MRTFA: variants seen among roughly 807,000 people sequenced by gnomAD.
MRTFA encodes the protein myocardin related transcription factor A, also known as myocardin-related transcription factor A.
A neutral mutation model predicts 83.5 loss-of-function variants in MRTFA; 20 were observed. That is an observed-to-expected ratio of 0.24 (90% CI 0.17 to 0.35). The LOEUF is 0.35. MRTFA is among the 10% of genes least tolerant of loss of function. The pLI, the probability that MRTFA is intolerant of heterozygous loss-of-function variation, is 1.00. For synonymous variants in MRTFA, 659 were observed against 541.2 expected, an observed-to-expected ratio of 1.22 and a Z score of -3.02; for missense variants, 1,200 against 1,224.7, an observed-to-expected ratio of 0.98 and a Z score of 0.30.
rs559466128 is a variant in MRTFA, at chr22:40,498,621, T to C, written c.242-35335A>G. On this transcript the variant is annotated intron_variant, in intron 3 of 14. Transcript: ENST00000355630. ...ATATTTGTTGAGTATGTGTCATGCA[T>C]ATGGTAGGTGCTGAGGGAGAAGACA... Among the ~76,000 whole-genome samples the C allele has an allele frequency of 6.6e-5, 10 of 152,064 alleles. 1 individual carries two copies. The South Asian group carries it at 2.1e-3, about 32-fold the overall frequency.
At chr22:40,421,329 G>A (rs990711570) in intron 9 of MRTFA, among the ~76,000 whole-genome samples, 13 of 152,074 alleles carry the variant, frequency 8.5e-5, no homozygotes, top group Non-Finnish European at 1.5e-5. Context: ...CCTGACCCCC[G>A]ACTTAAAAGC....
intron 2 of MRTFA, among the ~76,000 whole-genome samples, chr22:40,563,815 T>C (rs2055664687): frequency 1.3e-5 from 2 of 152,184 alleles, no homozygotes; most frequent in African/African-American, 4.8e-5. Flanking sequence ...AAATGTGAAC[T>C]ATGTTCTAAA....
At chr22:40,558,800 T>G (rs1044255492) in intron 2 of MRTFA, among the ~76,000 whole-genome samples, 6 of 150,636 alleles carry the variant, frequency 4.0e-5, no homozygotes, top group South Asian at 2.1e-4. Flanking sequence ...TTTTTGGGTT[T>G]TTTTTTTTTT....
intron 4 of MRTFA, among the ~76,000 whole-genome samples, chr22:40,449,306 G>A (rs556629297): frequency 4.6e-5 from 7 of 150,802 alleles, no homozygotes; most frequent in African/African-American, 1.5e-4. Flanking sequence ...AGAAAAGAAC[G>A]GAAATTTGCC....
At chr22:40,614,257 TTA>T (rs1229720116) in intron 1 of MRTFA, among the ~76,000 whole-genome samples, 2 of 150,666 alleles carry the variant, frequency 1.3e-5, no homozygotes, top group Non-Finnish European at 3.0e-5. Context: ...TAAAAAAATT[TTA>T]TGTTAGCCAG....
chr22:40,592,305 A>G (rs1281503219), intron 2 of MRTFA, among the ~76,000 whole-genome samples: 3 of 150,232 alleles, frequency 2.0e-5, no homozygotes. Context: ...TTAATTAGCC[A>G]GGCGTGGTGG....
intron 3 of MRTFA, among the ~76,000 whole-genome samples, chr22:40,473,845 T>A (rs991224077): frequency 2.0e-5 from 3 of 152,214 alleles, no homozygotes; most frequent in Admixed American, 6.5e-5. Flanking sequence ...TAAAACCACA[T>A]GGCCTACCAA....
chr22:40,471,273 C>T (rs1442946953), intron 3 of MRTFA, among the ~76,000 whole-genome samples: 10 of 144,330 alleles, frequency 6.9e-5, no homozygotes, highest in African/African-American at 1.8e-4. Flanking sequence ...TGTGGTGGCA[C>T]GCGCCTGTAA....
chr22:40,565,552 C>CA (rs777506041), intron 2 of MRTFA, among the ~76,000 whole-genome samples: 17 of 149,956 alleles, frequency 1.1e-4, no homozygotes, highest in Non-Finnish European at 1.8e-4. Flanking sequence ...ATCCCCACTT[C>CA]AAAAAAAAAC....
At chr22:40,559,596 G>A (rs984299430) in intron 2 of MRTFA, among the ~76,000 whole-genome samples, 7 of 151,818 alleles carry the variant, frequency 4.6e-5, no homozygotes, top group South Asian at 2.1e-4. Flanking sequence ...TTGTAGAGAC[G>A]AGATCTCACT....
chr22:40,547,897 T>G (rs1030994604), intron 3 of MRTFA, among the ~76,000 whole-genome samples: 2 of 147,472 alleles, frequency 1.4e-5, no homozygotes, highest in African/African-American at 5.0e-5. Flanking sequence ...TCAGAGAGAA[T>G]ACCAAGGCCA....
At chr22:40,617,935 C>G (rs2056473427) in intron 1 of MRTFA, among the ~76,000 whole-genome samples, 1 of 152,060 alleles carries the variant, frequency 6.6e-6, no homozygotes, top group African/African-American at 2.4e-5. Flanking sequence ...TGACAAAGTC[C>G]CTGCCCTTGT....
chr22:40,588,988 A>G (rs920092570), intron 2 of MRTFA, among the ~76,000 whole-genome samples: 4 of 151,694 alleles, frequency 2.6e-5, no homozygotes, highest in African/African-American at 4.8e-5. Context: ...GTCTCAGGGG[A>G]AAAAAAAAGA....
intron 3 of MRTFA, among the ~76,000 whole-genome samples, chr22:40,509,231 T>C (rs1448523967): frequency 5.3e-5 from 8 of 152,232 alleles, no homozygotes; most frequent in Non-Finnish European, 1.0e-4. Flanking sequence ...ACATTCTAAA[T>C]ATTTCCTGGT....
intron 3 of MRTFA, among the ~76,000 whole-genome samples, chr22:40,486,031 T>C (rs1353421638): frequency 6.6e-6 from 1 of 152,226 alleles, no homozygotes; most frequent in Admixed American, 6.5e-5. Context: ...CCTGGCCCAC[T>C]GCCCGAGTGT....
At chr22:40,447,624 T>C (rs1259822515) in intron 4 of MRTFA, among the ~76,000 whole-genome samples, 2 of 152,206 alleles carry the variant, frequency 1.3e-5, no homozygotes, top group Non-Finnish European at 2.9e-5. Flanking sequence ...CCTGCGAACC[T>C]TGACACTGAC....
At chr22:40,559,283 G>A (rs1162841734) in intron 2 of MRTFA, among the ~76,000 whole-genome samples, 1 of 152,052 alleles carries the variant, frequency 6.6e-6, no homozygotes, top group Admixed American at 6.5e-5. Context: ...CTACTCCTGA[G>A]GCTGAGGTAA....
intron 3 of MRTFA, among the ~76,000 whole-genome samples, chr22:40,511,789 G>A (rs2054672243): frequency 6.6e-6 from 1 of 152,226 alleles, no homozygotes; most frequent in African/African-American, 2.4e-5. Flanking sequence ...AGCAGTGGCA[G>A]AGAAGGTCCA....
At chr22:40,539,782 A>T (rs1236534255) in intron 3 of MRTFA, among the ~76,000 whole-genome samples, 2 of 152,018 alleles carry the variant, frequency 1.3e-5, no homozygotes, top group Non-Finnish European at 2.9e-5. Flanking sequence ...GATTACAGGC[A>T]CGAGCCACCG....
Sources: gnomAD v4.1 joint callset for allele counts (sites outside exome capture counted in the v4.1 genomes callset) on GRCh38, gnomAD v4.1.1 for gene constraint, MANE v1.5 for transcripts, NCBI Gene and HGNC (gene_info 2026-07-23, HGNC 2026-07-21) for gene names.